GRM7: variants seen among roughly 807,000 people sequenced by gnomAD.
GRM7 encodes glutamate metabotropic receptor 7, also known as metabotropic glutamate receptor 7.
GRM7 carries 35 observed loss-of-function variants against 84.5 expected under a neutral mutation model. The ratio of observed to expected loss-of-function variants is 0.41; its 90% confidence interval spans 0.32 to 0.55. The LOEUF is 0.55. Ranked by LOEUF, GRM7 falls within the 20% of genes least tolerant of loss-of-function variation. The pLI, the probability that GRM7 is intolerant of heterozygous loss-of-function variation, is 0.19. For missense variants in GRM7, 1,003 were observed against 1,194.6 expected (o/e 0.84, Z 2.36); for synonymous variants, 487 against 455.1 (o/e 1.07, Z -0.89).
chr3:7,251,282 G>C (rs1167086106), intron 2 of GRM7, among the ~76,000 whole-genome samples: 1 of 151,450 alleles, frequency 6.6e-6, no homozygotes, highest in Non-Finnish European at 1.5e-5. Context: ...CAGGTAAAAG[G>C]GAAGTAGTTC....
At position 7,439,634 on chromosome 3, in the gene GRM7, TTTG is replaced by T. The variant is rs1301127273; in HGVS notation, c.1175-12967_1175-12965del. On this transcript the variant is annotated intron_variant, in intron 5 of 9. Coordinates refer to ENST00000357716, the MANE Select transcript of GRM7 (RefSeq NM_000844.4). ...GTTAGGAATAACCCCTGTATTATTC[TTTG>T]TTGTTTTGCACAGGGAGAAACAAAT... 3.3e-5 allele frequency among the ~76,000 whole-genome samples: 5 copies of T among 152,298 alleles called. No individual in the cohort carries two copies. In the East Asian group the frequency reaches 7.7e-4, roughly 24 times the overall value.
At chr3:7,580,879 A>G (rs968179283) in intron 8 of GRM7, among the ~76,000 whole-genome samples, 2 of 146,034 alleles carry the variant, frequency 1.4e-5, no homozygotes, top group African/African-American at 2.4e-5. Context: ...GGTAAAATAC[A>G]ATAGAGAGAA....
At chr3:7,274,079 T>G (rs1173372520) in intron 2 of GRM7, among the ~76,000 whole-genome samples, 1 of 151,962 alleles carries the variant, frequency 6.6e-6, no homozygotes, top group Non-Finnish European at 1.5e-5. Flanking sequence ...TCAAAATACA[T>G]TTTCAACTAG....
At chr3:7,498,970 G>A (rs1279852214) in intron 7 of GRM7, among the ~76,000 whole-genome samples, 2 of 152,150 alleles carry the variant, frequency 1.3e-5, no homozygotes, top group Non-Finnish European at 2.9e-5. Context: ...GGAAAACAGT[G>A]ACTGGGAACA....
intron 1 of GRM7, among the ~76,000 whole-genome samples, chr3:7,039,978 C>T (rs142532770): frequency 6.3e-4 from 96 of 152,258 alleles, no homozygotes; most frequent in African/African-American, 2.2e-3. Flanking sequence ...GTACTCGGCA[C>T]CTAGCAATTG....
intron 8 of GRM7, among the ~76,000 whole-genome samples, chr3:7,672,808 C>T (rs1016126264): frequency 2.6e-5 from 4 of 151,828 alleles, no homozygotes; most frequent in African/African-American, 7.3e-5. Context: ...GGGGTTTCAC[C>T]GTGGTCTCGA....
At chr3:7,045,165 T>C (rs1696759431) in intron 1 of GRM7, among the ~76,000 whole-genome samples, 1 of 152,192 alleles carries the variant, frequency 6.6e-6, no homozygotes, top group African/African-American at 2.4e-5. Flanking sequence ...TTAGGGCTGT[T>C]AGTATCAGCG....
intron 6 of GRM7, among the ~76,000 whole-genome samples, chr3:7,456,205 C>G (rs73810658): frequency 0.021 from 3,118 of 151,552 alleles, 99 homozygotes; most frequent in African/African-American, 0.066. Context: ...CTTACACTAG[C>G]GACAAAAATA....
intron 5 of GRM7, 27 bp from the exon 6 acceptor site, chr3:7,452,580 G>C: frequency 7.6e-7 from 1 of 1,311,388 alleles, no homozygotes. Flanking sequence ...GTGTGTGTGT[G>C]TGTGTGTTTC....
At chr3:7,514,856 C>T (rs182810774) in intron 7 of GRM7, among the ~76,000 whole-genome samples, 4 of 152,228 alleles carry the variant, frequency 2.6e-5, no homozygotes, top group Non-Finnish European at 4.4e-5. Context: ...CTCCAGAGTC[C>T]GCTTCGATGA....
intron 7 of GRM7, among the ~76,000 whole-genome samples, chr3:7,462,630 C>A (rs756335970): frequency 6.6e-6 from 1 of 152,176 alleles, no homozygotes; most frequent in African/African-American, 2.4e-5. Flanking sequence ...AAATCCATTT[C>A]TTGGGAAGTG....
chr3:7,717,384 T>C (rs1043288906), intron 9 of GRM7, among the ~76,000 whole-genome samples: 1 of 151,872 alleles, frequency 6.6e-6, no homozygotes, highest in Admixed American at 6.6e-5. Context: ...AAAAAAAAAA[T>C]TGCACAGGTG....
chr3:7,213,584 C>G (rs1254507554), intron 2 of GRM7, among the ~76,000 whole-genome samples: 1 of 152,156 alleles, frequency 6.6e-6, no homozygotes, highest in Non-Finnish European at 1.5e-5. Flanking sequence ...AGGAGGTTTA[C>G]TGGGGAGAAC....
chr3:7,439,262 G>A (rs1697187165), intron 5 of GRM7, among the ~76,000 whole-genome samples: 1 of 152,146 alleles, frequency 6.6e-6, no homozygotes, highest in Non-Finnish European at 1.5e-5. Flanking sequence ...ATCTTTGGAA[G>A]CTGGAGATAG....
chr3:7,316,457 A>C (rs1210742527), intron 4 of GRM7, among the ~76,000 whole-genome samples: 2 of 152,188 alleles, frequency 1.3e-5, no homozygotes, highest in Non-Finnish European at 2.9e-5. Context: ...CAAAAAACAA[A>C]TGAGAGATGA....
intron 4 of GRM7, among the ~76,000 whole-genome samples, chr3:7,397,556 G>A (rs147016918): frequency 6.6e-6 from 1 of 152,202 alleles, no homozygotes; most frequent in East Asian, 1.9e-4. Context: ...AGTGGAATTT[G>A]AGTGTTTTTA....
chr3:7,595,406 TTCCTC>T (rs1176637899), intron 8 of GRM7, among the ~76,000 whole-genome samples: 1 of 152,204 alleles, frequency 6.6e-6, no homozygotes, highest in African/African-American at 2.4e-5. Context: ...GCTAGATACT[TTCCTC>T]TTTCTTGTTT....
chr3:7,063,086 G>A (rs1697489582), intron 1 of GRM7, among the ~76,000 whole-genome samples: 1 of 151,616 alleles, frequency 6.6e-6, no homozygotes, highest in African/African-American at 2.4e-5. Flanking sequence ...CAAGCCAAAG[G>A]TTAGCTCAGC....
intron 1 of GRM7, among the ~76,000 whole-genome samples, chr3:7,080,501 T>C (rs902162577): frequency 1.3e-5 from 2 of 152,056 alleles, no homozygotes; most frequent in African/African-American, 4.8e-5. Flanking sequence ...TTTTCTTATA[T>C]GTTTCATAGT....
Sources: gnomAD v4.1 joint callset for allele counts (sites outside exome capture counted in the v4.1 genomes callset) on GRCh38, gnomAD v4.1.1 for gene constraint, MANE v1.5 for transcripts, NCBI Gene and HGNC (gene_info 2026-07-23, HGNC 2026-07-21) for gene names.